Variants in GLDC observed in about 807,000 individuals in gnomAD.
The protein encoded by GLDC is glycine dehydrogenase (decarboxylating), mitochondrial.
A neutral mutation model predicts 121.3 loss-of-function variants in GLDC; 104 were observed. That is an observed-to-expected ratio of 0.86 (90% CI 0.73 to 1.01). GLDC has a LOEUF of 1.01. Among genes scored for constraint, GLDC ranks in the 50% least tolerant of loss-of-function variants. The pLI, the probability that GLDC is intolerant of heterozygous loss-of-function variation, is 0.00. For synonymous variants in GLDC, 546 were observed against 480.6 expected, an observed-to-expected ratio of 1.14 and a Z score of -1.78; for missense variants, 1,429 against 1,306.6, an observed-to-expected ratio of 1.09 and a Z score of -1.44.
At chr9:6,548,985 C>A (rs1156372497) in intron 21 of GLDC, among the ~76,000 whole-genome samples, 3 of 152,184 alleles carry the variant, frequency 2.0e-5, no homozygotes, top group African/African-American at 7.2e-5. Context: ...CTCTCCTTCC[C>A]GACCTCCATC....
At chr9:6,594,803 A>G (rs960001544) in intron 9 of GLDC, among the ~76,000 whole-genome samples, 1 of 149,910 alleles carries the variant, frequency 6.7e-6, no homozygotes, top group African/African-American at 2.5e-5. Flanking sequence ...AAAAGGAAAT[A>G]AAAGAAAGAA....
chr9:6,603,937 C>T (rs1274509853), intron 7 of GLDC, among the ~76,000 whole-genome samples: 5 of 152,062 alleles, frequency 3.3e-5, no homozygotes, highest in African/African-American at 9.7e-5. Context: ...ACCATATTGG[C>T]CAGGCTCGTC....
chr9:6,638,057 C>T (rs182679033), intron 2 of GLDC, among the ~76,000 whole-genome samples: 1 of 152,072 alleles, frequency 6.6e-6, no homozygotes, highest in Admixed American at 6.6e-5. Context: ...CTGAATATCC[C>T]CCAAATAATT....
rs143256976 is a variant in GLDC, at chr9:6,604,746, G to A, written c.900C>T (p.Cys300=). Residue 300 remains cysteine (C), a synonymous_variant, in exon 7 of 25, where the codon TGC becomes TGT. Coordinates refer to ENST00000321612, the MANE Select transcript of GLDC (RefSeq NM_000170.3). ...ACCATDLLAL[C]ILRPPGEFGV... ...CAAATTCTCCAGGTGGCCTCAAGAT[G>A]CACAAAGCTAAAAGGTCAGTAGCAC... 1.5e-5 allele frequency: 24 copies of A among 1,613,990 alleles called. No homozygotes were observed. The highest frequency in any genetic ancestry group is 1.9e-5 in the Non-Finnish European group (22 of 1,179,980).
At chr9:6,563,029 C>T (rs1817788865) in intron 16 of GLDC, among the ~76,000 whole-genome samples, 1 of 152,182 alleles carries the variant, frequency 6.6e-6, no homozygotes, top group Admixed American at 6.5e-5. Context: ...CCTCTCATGA[C>T]ACTTCAGTGA....
chr9:6,555,987 G>A (rs1015874170), intron 18 of GLDC, among the ~76,000 whole-genome samples, 166 bp downstream of exon 18: 6 of 152,174 alleles, frequency 3.9e-5, no homozygotes, highest in African/African-American at 1.4e-4. Flanking sequence ...GCTGATGCCA[G>A]GATAAGTGGC....
At position 6,573,969 on chromosome 9, in the gene GLDC, G is replaced by A. The variant is rs116861969; in HGVS notation, c.1851-8540C>T. ...TACTGCATGTCTCAAGTACCCTAAC[G>A]TTAGCCAGGTCTCTATCTCTATGGA... On this transcript the variant is annotated intron_variant, in intron 15 of 24. Coordinates refer to ENST00000321612, the MANE Select transcript of GLDC (RefSeq NM_000170.3). Among the ~76,000 whole-genome samples the A allele has an allele frequency of 1.1e-4, 17 of 152,252 alleles. No individual in the cohort carries two copies. The East Asian group carries it at 3.3e-3, about 29-fold the overall frequency.
At position 6,552,748 on chromosome 9, in the gene GLDC, T is replaced by G. The variant is rs559596503; in HGVS notation, c.2457+620A>C. ...TCAGTCCAGGAGGTGGGCAGGGCAG[T>G]GTGAACAAGAACTGTAGAAAATCAA... On this transcript the variant is annotated intron_variant, in intron 20 of 24. Transcript: ENST00000321612. Among the ~76,000 whole-genome samples the G allele has an allele frequency of 3.0e-4, 45 of 152,202 alleles. 1 individual carries two copies. The highest frequency in any genetic ancestry group is 2.5e-3 in the Admixed American group (38 of 15,286).
intron 2 of GLDC, among the ~76,000 whole-genome samples, chr9:6,634,930 C>G (rs1401153920): frequency 1.3e-5 from 2 of 152,186 alleles, no homozygotes; most frequent in Non-Finnish European, 2.9e-5. Flanking sequence ...CTACCCATTA[C>G]TTAGAGGGGG....
At chr9:6,576,814 A>G (rs1818074705) in intron 15 of GLDC, among the ~76,000 whole-genome samples, 1 of 152,354 alleles carries the variant, frequency 6.6e-6, no homozygotes, top group Middle Eastern at 3.4e-3. Context: ...GCAAACATTC[A>G]ATCTATAGCA....
intron 2 of GLDC, chr9:6,622,651 GCCCGGCCGCCAC>G (rs1420850539): frequency 4.8e-6 from 1 of 209,390 alleles, no homozygotes; most frequent in Non-Finnish European, 9.5e-6. Flanking sequence ...GGCAGCCTCT[GCCCGGCCGCCAC>G]CCCGTCTGGG....
intron 2 of GLDC, among the ~76,000 whole-genome samples, chr9:6,639,966 C>T (rs1268707673): frequency 6.6e-6 from 1 of 152,088 alleles, no homozygotes; most frequent in African/African-American, 2.4e-5. Context: ...TAATTTTTGT[C>T]CCACTTCCAA....
At chr9:6,588,774 A>T in intron 12 of GLDC, 72 bp from the exon 13 acceptor site, 1 of 893,150 alleles carries the variant, frequency 1.1e-6, no homozygotes, top group Non-Finnish European at 1.9e-6. Context: ...CCTGACATAT[A>T]AGACACACCG....
intron 15 of GLDC, among the ~76,000 whole-genome samples, chr9:6,566,722 G>A (rs1327001432): frequency 6.6e-6 from 1 of 151,454 alleles, no homozygotes; most frequent in Non-Finnish European, 1.5e-5. Flanking sequence ...CATTCAAAAT[G>A]TGTATGTCTG....
Position 6,532,948 on chromosome 9 carries a change from A to T in GLDC, c.*69T>A, listed in dbSNP as rs1817031656. On this transcript the variant is annotated 3_prime_UTR_variant, in exon 25 of 25. Coordinates refer to ENST00000321612, the MANE Select transcript of GLDC (RefSeq NM_000170.3). ...ACTTGAGGCTGGGGTGGGAGATGAA[A>T]TCTTTCTTGCTTATCAAATGCTCTG... 1 of 1,142,706 alleles carries T rather than the reference A, an allele frequency of 8.8e-7. No individual in the cohort carries two copies. The highest frequency in any genetic ancestry group is 1.5e-5 in the African/African-American group (1 of 65,532). 70.8% of individuals were successfully genotyped at this position (1,142,706 alleles called of 1,614,324 possible). A position where few individuals can be genotyped will look rare whatever the true frequency, so the allele number is the denominator to read the frequency against.
At chr9:6,552,935 C>G (rs545696741) in intron 20 of GLDC, among the ~76,000 whole-genome samples, 1 of 151,834 alleles carries the variant, frequency 6.6e-6, no homozygotes. Context: ...TCTGGCCCCC[C>G]CCAAGAAATA....
intron 20 of GLDC, among the ~76,000 whole-genome samples, chr9:6,552,278 T>G (rs16924682): frequency 0.15 from 23,564 of 152,190 alleles, 2,152 homozygotes; most frequent in East Asian, 0.3. Context: ...GTTCCAGGCA[T>G]GTAGCCAAAC....
intron 16 of GLDC, among the ~76,000 whole-genome samples, chr9:6,563,272 T>A (rs932139315): frequency 1.3e-5 from 2 of 152,152 alleles, no homozygotes; most frequent in East Asian, 3.9e-4. Context: ...ATTGGGAAAT[T>A]TGGGAAATGG....
chr9:6,614,329 G>A (rs1818926052), intron 3 of GLDC, among the ~76,000 whole-genome samples: 1 of 152,046 alleles, frequency 6.6e-6, no homozygotes, highest in African/African-American at 2.4e-5. Context: ...CCACCTCCTG[G>A]GCTCAAGCAA....
Sources: gnomAD v4.1 joint callset for allele counts (sites outside exome capture counted in the v4.1 genomes callset) on GRCh38, gnomAD v4.1.1 for gene constraint, MANE v1.5 for transcripts, NCBI Gene and HGNC (gene_info 2026-07-23, HGNC 2026-07-21) for gene names.